Variants in PRRX1 observed in about 807,000 individuals in gnomAD.
PRRX1 encodes the protein paired related homeobox 1, also known as paired mesoderm homeobox protein 1.
PRRX1 carries 8 observed loss-of-function variants against 24.0 expected under a neutral mutation model. The observed-to-expected ratio is 0.33, with a 90% CI of 0.20 to 0.60. The LOEUF (loss-of-function observed/expected upper bound fraction) is 0.60, where lower values mean the gene tolerates loss of function less well. Among genes scored for constraint, PRRX1 ranks in the 20% least tolerant of loss-of-function variants. The pLI is 0.82. For synonymous variants in PRRX1, 160 were observed against 131.7 expected (o/e 1.22, Z -1.47); for missense variants, 281 against 322.4 (o/e 0.87, Z 0.98).
intron 1 of PRRX1, among the ~76,000 whole-genome samples, chr1:170,674,137 T>C (rs6693796): frequency 0.073 from 11,190 of 152,274 alleles, 922 homozygotes; most frequent in African/African-American, 0.21. Flanking sequence ...AAAATCACTC[T>C]TGATAGTCTA....
chr1:170,675,319 A>G (rs1387963626), intron 1 of PRRX1, among the ~76,000 whole-genome samples: 1 of 152,182 alleles, frequency 6.6e-6, no homozygotes, highest in Non-Finnish European at 1.5e-5. Flanking sequence ...TTCTTAGACC[A>G]CAGTTAGAGA....
intron 1 of PRRX1, among the ~76,000 whole-genome samples, chr1:170,717,441 A>G (rs1376117128): frequency 6.6e-6 from 1 of 152,240 alleles, no homozygotes; most frequent in Non-Finnish European, 1.5e-5. Context: ...TTGAAACAAC[A>G]TAAAAGATTT....
At position 170,736,039 on chromosome 1, in the gene PRRX1, T is replaced by C. The variant is rs756226870; in HGVS notation, c.600-9T>C. The C allele has an allele frequency of 3.7e-6, 6 of 1,613,822 alleles. No individual in the cohort carries two copies. The African/African-American group carries it at 8.0e-5, about 22-fold the overall frequency. ...GTTATTCTCCCTGCTCTCTCCTTTG[T>C]CCCTACAGCGCCATGGCTACTTATT... On this transcript the variant is annotated splice_polypyrimidine_tract_variant and intron_variant, in intron 3 of 3. Transcript: ENST00000239461.
At chr1:170,671,346 A>T (rs987364905) in intron 1 of PRRX1, among the ~76,000 whole-genome samples, 2 of 152,228 alleles carry the variant, frequency 1.3e-5, no homozygotes, top group South Asian at 2.1e-4. Flanking sequence ...TAACGTTGAA[A>T]ACAGAGCCCA....
At chr1:170,735,947 G>T in intron 3 of PRRX1, 101 bp from the exon 4 acceptor site, 1 of 1,517,504 alleles carries the variant, frequency 6.6e-7, no homozygotes, top group South Asian at 1.1e-5. Flanking sequence ...CATTGCCCCT[G>T]CCTGCCCCCA....
intron 1 of PRRX1, among the ~76,000 whole-genome samples, chr1:170,680,648 G>A (rs889317684): frequency 2.6e-5 from 4 of 152,304 alleles, no homozygotes; most frequent in Non-Finnish European, 1.5e-5. Flanking sequence ...AATTAAGTAC[G>A]TCAGAAGTAA....
intron 3 of PRRX1, among the ~76,000 whole-genome samples, chr1:170,734,261 C>A (rs1655535532): frequency 6.8e-6 from 1 of 147,020 alleles, no homozygotes. Flanking sequence ...TTGCTCACAG[C>A]AGAATGACAG....
At chr1:170,730,399 G>A in intron 3 of PRRX1, 1 of 1,483,720 alleles carries the variant, frequency 6.7e-7, no homozygotes, top group Non-Finnish European at 9.4e-7. Flanking sequence ...GGGTTTAAGT[G>A]GGAATTCAGA....
chr1:170,706,822 G>T (rs1008384093), intron 1 of PRRX1, among the ~76,000 whole-genome samples: 1 of 152,114 alleles, frequency 6.6e-6, no homozygotes, highest in Non-Finnish European at 1.5e-5. Flanking sequence ...GAAGACCTGA[G>T]ACTGGTGCTC....
chr1:170,675,480 G>A (rs1232544599), intron 1 of PRRX1, among the ~76,000 whole-genome samples: 2 of 152,014 alleles, frequency 1.3e-5, no homozygotes, highest in African/African-American at 2.4e-5. Context: ...TAAGGCTCAT[G>A]CATGCTTTTT....
chr1:170,730,889 TC>T (rs1655412690), intron 3 of PRRX1, among the ~76,000 whole-genome samples: 1 of 152,020 alleles, frequency 6.6e-6, no homozygotes, highest in Non-Finnish European at 1.5e-5. Flanking sequence ...AGTGTGCGCT[TC>T]AAAAAAAGTC....
chr1:170,703,348 T>G (rs1481679904), intron 1 of PRRX1, among the ~76,000 whole-genome samples: 2 of 151,664 alleles, frequency 1.3e-5, no homozygotes, highest in Non-Finnish European at 2.9e-5. Flanking sequence ...TGAGCCTTGG[T>G]CTCCTCATCT....
chr1:170,696,848 G>C lies in PRRX1; in HGVS notation c.242-22878G>C, dbSNP rs530384035. Reference sequence around the variant, plus strand: ...TGTATGAAAGCTTTAATTTAGCTCGGCTCATTCCTCCATGAGTTAATTTAG... The same window carrying C: ...TGTATGAAAGCTTTAATTTAGCTCGCCTCATTCCTCCATGAGTTAATTTAG... On this transcript the variant is annotated intron_variant, in intron 1 of 3. Transcript: ENST00000239461. 7.9e-4 allele frequency among the ~76,000 whole-genome samples: 120 copies of C among 152,228 alleles called. 1 individual carries two copies. Among genetic ancestry groups the C allele is most frequent in the African/African-American group, 2.5e-3 (105 of 41,546 alleles).
intron 1 of PRRX1, among the ~76,000 whole-genome samples, chr1:170,700,984 A>G (rs748813330): frequency 2.6e-5 from 4 of 152,210 alleles, no homozygotes; most frequent in South Asian, 4.1e-4. Flanking sequence ...GGACAGTGAC[A>G]TAGTTTTTCA....
Position 170,691,421 on chromosome 1 carries a change from T to G in PRRX1, c.241+26962T>G, listed in dbSNP as rs1327176387. 4.7e-5 allele frequency among the ~76,000 whole-genome samples: 7 copies of G among 149,960 alleles called. No homozygotes were observed. The East Asian group carries it at 1.4e-3, about 30-fold the overall frequency. On this transcript the variant is annotated intron_variant, in intron 1 of 3. Transcript: ENST00000239461. ...CATCCCTAAGAAGAAATTTATTCCC[T>G]TTTCCTTCCCTTTCCTTCCATTTCC...
chr1:170,673,014 G>A (rs936244100), intron 1 of PRRX1, among the ~76,000 whole-genome samples: 8 of 152,092 alleles, frequency 5.3e-5, no homozygotes, highest in Non-Finnish European at 1.0e-4. Flanking sequence ...GAAAACAAGA[G>A]GACCGCTGAG....
intron 3 of PRRX1, chr1:170,726,609 T>A (rs1279637014): frequency 3.5e-6 from 2 of 579,504 alleles, no homozygotes; most frequent in African/African-American, 3.7e-5. Context: ...AGGGGCAGGC[T>A]ATCTCACCAA....
intron 3 of PRRX1, chr1:170,727,293 TGA>T (rs1041243818): frequency 2.6e-5 from 4 of 152,202 alleles, no homozygotes; most frequent in African/African-American, 9.7e-5. Context: ...GAAGGGAAGC[TGA>T]GACACAAATT....
At chr1:170,713,210 T>C (rs1213243949) in intron 1 of PRRX1, among the ~76,000 whole-genome samples, 1 of 152,162 alleles carries the variant, frequency 6.6e-6, no homozygotes, top group Non-Finnish European at 1.5e-5. Flanking sequence ...CAAACACAAA[T>C]GTTGTGCTCT....
Sources: allele counts gnomAD v4.1 joint callset (sites outside exome capture counted in the v4.1 genomes callset), GRCh38; gene constraint gnomAD v4.1.1; transcripts MANE v1.5; gene names NCBI Gene and HGNC (gene_info 2026-07-23, HGNC 2026-07-21).